The following SUMF1 variants were observed in gnomAD, a reference collection of about 807,000 sequenced individuals.
SUMF1 encodes sulfatase modifying factor 1, also known as formylglycine-generating enzyme.
SUMF1 carries 48 observed loss-of-function variants against 47.6 expected under a neutral mutation model. That is an observed-to-expected ratio of 1.01 (90% CI 0.80 to 1.28). The LOEUF (loss-of-function observed/expected upper bound fraction) is 1.28. Ranked by LOEUF, SUMF1 falls within the 50% of genes most tolerant of loss-of-function variation. The pLI is 0.00. For missense variants in SUMF1, 571 were observed against 485.4 expected, an observed-to-expected ratio of 1.18 and a Z score of -1.66; for synonymous variants, 230 against 192.1, an observed-to-expected ratio of 1.20 and a Z score of -1.63.
chr3:4,081,851 A>C (rs1692567415), intron 8 of SUMF1, among the ~76,000 whole-genome samples: 1 of 152,122 alleles, frequency 6.6e-6, no homozygotes, highest in Non-Finnish European at 1.5e-5. Flanking sequence ...CTGACTGATA[A>C]AGTATGTAAA....
intron 8 of SUMF1, among the ~76,000 whole-genome samples, chr3:4,211,380 GTTC>G (rs1388645442): frequency 1.3e-5 from 2 of 150,850 alleles, no homozygotes; most frequent in African/African-American, 4.9e-5. Flanking sequence ...GTGTCCATGT[GTTC>G]TCATCATTTA....
At chr3:4,249,522 C>G in intron 8 of SUMF1, among the ~76,000 whole-genome samples, 1 of 152,240 alleles carries the variant, frequency 6.6e-6, no homozygotes. Context: ...GGGGGCACCA[C>G]AAATCACGTC....
chr3:4,314,479 T>G (rs1195478699), intron 8 of SUMF1: 1 of 152,188 alleles, frequency 6.6e-6, no homozygotes, highest in Non-Finnish European at 1.5e-5. Flanking sequence ...GCTAAAACCC[T>G]AATAAGTACT....
intron 8 of SUMF1, among the ~76,000 whole-genome samples, chr3:4,149,865 C>T (rs780137740): frequency 4.6e-5 from 7 of 151,992 alleles, no homozygotes; most frequent in Non-Finnish European, 1.0e-4. Flanking sequence ...CAGTTGATGC[C>T]ATGTCTGAGC....
At chr3:4,117,407 T>A (rs1315987797) in intron 8 of SUMF1, among the ~76,000 whole-genome samples, 1 of 152,130 alleles carries the variant, frequency 6.6e-6, no homozygotes, top group African/African-American at 2.4e-5. Flanking sequence ...ATTTAAACTA[T>A]GATACATGCT....
intron 8 of SUMF1, among the ~76,000 whole-genome samples, chr3:4,074,953 C>A (rs961279690): frequency 6.6e-6 from 1 of 152,046 alleles, no homozygotes; most frequent in Non-Finnish European, 1.5e-5. Context: ...GAAACTATTC[C>A]AATGAATAGA....
At chr3:4,213,312 A>G (rs1361497666) in intron 8 of SUMF1, among the ~76,000 whole-genome samples, 1 of 152,198 alleles carries the variant, frequency 6.6e-6, no homozygotes, top group African/African-American at 2.4e-5. Flanking sequence ...CAGTCAAACT[A>G]AGCTTCATAA....
intron 8 of SUMF1, among the ~76,000 whole-genome samples, chr3:4,207,435 T>C (rs1026700091): frequency 3.3e-5 from 5 of 152,152 alleles, no homozygotes; most frequent in African/African-American, 1.2e-4. Flanking sequence ...GCATTCAGGC[T>C]TTTAATATTA....
intron 7 of SUMF1, among the ~76,000 whole-genome samples, chr3:4,397,305 A>C (rs1046314567): frequency 3.9e-5 from 6 of 152,234 alleles, no homozygotes; most frequent in Non-Finnish European, 8.8e-5. Context: ...GGTACAGACT[A>C]CATTCACTGA....
At position 4,192,801 on chromosome 3, in the gene SUMF1, A is replaced by T. The variant is rs537040099; in HGVS notation, c.1015-124056T>A. ...CATGTGACCAATAATTTAATTAATC[A>T]TGCCTTTGTAATGAAACTCCAATAA... On this transcript the variant is annotated intron_variant and NMD_transcript_variant, in intron 8 of 12. Transcript: ENST00000448413. Among the ~76,000 whole-genome samples, 3 of 152,244 alleles carry T rather than the reference A, an allele frequency of 2.0e-5. No individual in the cohort carries two copies. The South Asian group carries it at 6.2e-4, about 32-fold the overall frequency.
chr3:4,277,617 C>T lies in SUMF1; in HGVS notation c.1014+98713G>A, dbSNP rs114183526. 5.4e-3 allele frequency among the ~76,000 whole-genome samples: 815 copies of T among 152,022 alleles called. 4 individuals are homozygous for T. Among genetic ancestry groups the T allele is most frequent in the African/African-American group, 0.018 (740 of 41,480 alleles). On this transcript the variant is annotated intron_variant and NMD_transcript_variant, in intron 8 of 12. Transcript: ENST00000448413. ...CTTGAATTAAACTCAAAATGAAAAA[C>T]GTTTATAATCTTTACATCTAGGAGG...
intron 8 of SUMF1, among the ~76,000 whole-genome samples, chr3:4,141,391 G>A (rs1203578729): frequency 6.6e-6 from 1 of 152,100 alleles, no homozygotes; most frequent in African/African-American, 2.4e-5. Flanking sequence ...GACCAGAAAT[G>A]CAACCTAGGT....
rs188298821 is a variant in SUMF1 at position 4,197,937 on chromosome 3, T to C, written c.1015-129192A>G. On this transcript the variant is annotated intron_variant and NMD_transcript_variant, in intron 8 of 12. Coordinates refer to the SUMF1 transcript ENST00000448413. ...AAAATATCAGCCTCTGATCTTACAATGAACAGGGTAATCTTTAAATTAAAA... is the reference window on the plus strand; with the variant it reads ...AAAATATCAGCCTCTGATCTTACAACGAACAGGGTAATCTTTAAATTAAAA... 1.1e-4 allele frequency among the ~76,000 whole-genome samples: 17 copies of C among 151,988 alleles called. No homozygotes were observed. The East Asian group carries it at 2.5e-3, about 22-fold the overall frequency.
intron 8 of SUMF1, among the ~76,000 whole-genome samples, chr3:4,147,771 C>G (rs2629249): frequency 0.66 from 99,801 of 151,920 alleles, 32,944 homozygotes; most frequent in South Asian, 0.73. Context: ...ACCCTCTTTT[C>G]CTGTATACCT....
intron 9 of SUMF1, among the ~76,000 whole-genome samples, chr3:4,051,450 GA>G (rs1695109253): frequency 6.6e-6 from 1 of 152,092 alleles, no homozygotes; most frequent in African/African-American, 2.4e-5. Context: ...TCAAGTGTGC[GA>G]TCCAAGGAGC....
At chr3:4,071,774 A>G (rs1297800781) in intron 8 of SUMF1, among the ~76,000 whole-genome samples, 1 of 152,196 alleles carries the variant, frequency 6.6e-6, no homozygotes, top group Non-Finnish European at 1.5e-5. Flanking sequence ...GGCATATGTG[A>G]ACAAAAGGCA....
intron 7 of SUMF1, among the ~76,000 whole-genome samples, chr3:4,393,632 C>A (rs1298393823): frequency 6.6e-6 from 1 of 151,698 alleles, no homozygotes; most frequent in East Asian, 1.9e-4. Flanking sequence ...CATGACTGGC[C>A]TTTTATTTAT....
chr3:4,337,201 CCCTCCCTCCTT>C lies in SUMF1; in HGVS notation c.1014+39118_1014+39128del, dbSNP rs1243839588. Among the ~76,000 whole-genome samples the C allele has an allele frequency of 2.0e-3, 253 of 125,932 alleles. 1 individual carries two copies. The highest frequency in any genetic ancestry group is 4.2e-3 in the Middle Eastern group (1 of 236). 82.6% of individuals were successfully genotyped at this position (125,932 alleles called of 152,430 possible). A position where few individuals can be genotyped will look rare whatever the true frequency, so the allele number is the denominator to read the frequency against. On this transcript the variant is annotated intron_variant and NMD_transcript_variant, in intron 8 of 12. Transcript: ENST00000448413. ...CTTTTCTGTCCCTCCCTCCCTCCCTCCCTCCCTCCTTTCTTCCTTCCTTCCTTCCTTACTTC... is the reference window on the plus strand; with the variant it reads ...CTTTTCTGTCCCTCCCTCCCTCCCTCTCTTCCTTCCTTCCTTCCTTACTTC...
At chr3:4,444,109 C>T (rs988448098) in intron 3 of SUMF1, among the ~76,000 whole-genome samples, 4 of 152,028 alleles carry the variant, frequency 2.6e-5, no homozygotes, top group African/African-American at 9.7e-5. Context: ...GGAAAAAAAT[C>T]AGATTACCAT....
Sources: gnomAD v4.1 joint callset for allele counts (sites outside exome capture counted in the v4.1 genomes callset) on GRCh38, gnomAD v4.1.1 for gene constraint, MANE v1.5 for transcripts, NCBI Gene and HGNC (gene_info 2026-07-23, HGNC 2026-07-21) for gene names.